Variants in BAG6 observed in about 807,000 individuals in gnomAD.
The protein encoded by BAG6 is large proline-rich protein BAG6.
In BAG6, 22 loss-of-function variants were observed where a neutral mutation model predicts 121.0. That is an observed-to-expected ratio of 0.18 (90% CI 0.13 to 0.26). The LOEUF (loss-of-function observed/expected upper bound fraction) is 0.26, where lower values mean the gene tolerates loss of function less well. Ranked by LOEUF, BAG6 falls within the 10% of genes least tolerant of loss-of-function variation. The pLI, the probability that BAG6 is intolerant of heterozygous loss-of-function variation, is 1.00. For missense variants in BAG6, 1,233 were observed against 1,537.7 expected (o/e 0.80, Z 3.31); for synonymous variants, 583 against 584.6 (o/e 1.00, Z 0.04).
intron 4 of BAG6, 76 bp from the exon 5 acceptor site, chr6:31,649,040 A>C: frequency 7.3e-6 from 11 of 1,500,944 alleles, no homozygotes; most frequent in Non-Finnish European, 8.9e-6. Flanking sequence ...CATTCCCTGG[A>C]GCCCTACCTC....
Position 31,644,225 on chromosome 6 carries a change from G to C in BAG6, c.1556-31C>G. The C allele has an allele frequency of 6.3e-7, 1 of 1,597,908 alleles. No individual in the cohort carries two copies. The highest frequency in any genetic ancestry group is 8.5e-7 in the Non-Finnish European group (1 of 1,172,610). On this transcript the variant is annotated intron_variant, in intron 12 of 25. Coordinates refer to ENST00000676615, the MANE Select transcript of BAG6 (RefSeq NM_001387994.1). This position sits in a 1 kb window ranked among gnomAD's most constrained non-coding sequence, Gnocchi z 4.9. The stretch of plus-strand genomic sequence containing the variant: ...GGTGGCAGAAGAGACAGACCGAAGA[G>C]GGCTGAGGGCCAGGCCCTTGCCAGC...
rs1787964479 is a variant in BAG6 at position 31,645,401 on chromosome 6, A to T, written c.1116+6T>A. 6.2e-7 allele frequency: 1 copy of T among 1,612,780 alleles called. No homozygotes were observed. The highest frequency in any genetic ancestry group is 1.7e-5 in the Admixed American group (1 of 59,982). On this transcript the variant is annotated splice_donor_region_variant and intron_variant, in intron 9 of 25. Transcript: ENST00000676615. ...TCTCCCTCAGGCCAGACTCCCCCTAACCCACCTGTATGGGAATGGCTGCCT... is the reference window on the plus strand; with the variant it reads ...TCTCCCTCAGGCCAGACTCCCCCTATCCCACCTGTATGGGAATGGCTGCCT...
In BAG6 at chr6:31,649,767, T is replaced by C. The variant is rs544508468; in HGVS notation, c.109-140A>G. ...TTTGTCTTGACCGTGAGATCATTAC[T>C]GTGCAAACCCTTAAACTAAAGTAAC... On this transcript the variant is annotated intron_variant, in intron 2 of 25. Coordinates refer to ENST00000676615, the MANE Select transcript of BAG6 (RefSeq NM_001387994.1). 160 of 726,258 alleles carry C rather than the reference T, an allele frequency of 2.2e-4. 1 individual carries two copies. Among genetic ancestry groups the C allele is most frequent in the Admixed American group, 3.1e-4 (13 of 42,094 alleles). 45.0% of individuals were successfully genotyped at this position (726,258 alleles called of 1,614,324 possible).
chr6:31,650,724 G>A (rs1246869275), intron 2 of BAG6, among the ~76,000 whole-genome samples: 2 of 151,484 alleles, frequency 1.3e-5, no homozygotes, highest in South Asian at 4.2e-4. Context: ...CTGACTCTTG[G>A]GAAGTACCAG....
At chr6:31,652,361 C>CACACA (rs753850519) in intron 1 of BAG6, 63 bp downstream of exon 1, 1,436 of 110,344 alleles carry the variant, frequency 0.013, 25 homozygotes, top group Middle Eastern at 0.028. Context: ...ACACACACAC[C>CACACA]CACCACCCCG....
intron 1 of BAG6, 67 bp downstream of exon 1, chr6:31,652,357 A>ACCCCCC (rs9281544): frequency 7.0e-6 from 1 of 143,070 alleles, no homozygotes; most frequent in African/African-American, 2.8e-5. Flanking sequence ...ACACACACAC[A>ACCCCCC]CACCCACCAC....
At chr6:31,652,322 C>CAA (rs1554157197) in intron 1 of BAG6, 102 bp downstream of exon 1, 1 of 87,176 alleles carries the variant, frequency 1.1e-5, no homozygotes, top group African/African-American at 8.0e-5. Context: ...CACAGCCAAA[C>CAA]ACACACACAC....
chr6:31,639,772 A>G, intron 24 of BAG6, 126 bp from the exon 25 acceptor site: 1 of 1,195,214 alleles, frequency 8.4e-7, no homozygotes, highest in Non-Finnish European at 1.1e-6. Flanking sequence ...AGGGGAAATT[A>G]AGAGTCCAGG....
In BAG6 at chr6:31,639,706, C is replaced by G. The variant is rs369234950; in HGVS notation, c.3247-60G>C. On this transcript the variant is annotated intron_variant, in intron 24 of 25. Coordinates refer to ENST00000676615, the MANE Select transcript of BAG6 (RefSeq NM_001387994.1). ...CAACGTCAGATCCAGTGCCACCATC[C>G]GGCTCACCCTTTCCATGAGTCAACC... 19 of 1,545,804 alleles carry G rather than the reference C, an allele frequency of 1.2e-5. No homozygotes were observed. The African/African-American group carries it at 2.6e-4, about 21-fold the overall frequency.
At position 31,649,227 on chromosome 6, in the gene BAG6, T is replaced by C; in HGVS notation, c.395A>G (p.Tyr132Cys). 1 of 1,612,988 alleles carries C rather than the reference T, an allele frequency of 6.2e-7. No individual in the cohort carries two copies. The highest frequency in any genetic ancestry group is 8.5e-7 in the Non-Finnish European group (1 of 1,180,010). ...AAGATTGAAGGTTCCAACCATGACA[T>C]AGCTGTTGGCATTCCGGTCATGAAC... The part of the protein sequence containing the change: ...ASVHDRNANS[Y>C]VMVGTFNLPS... Residue 132 changes from tyrosine (Y) to cysteine (C), a missense_variant, in exon 4 of 26, where the codon TAT (tyrosine) becomes TGT (cysteine). Tyr to Cys is a radical substitution (Grantham distance 194). Transcript: ENST00000676615.
intron 14 of BAG6, 123 bp from the exon 15 acceptor site, chr6:31,643,238 G>A (rs1164608981): frequency 8.7e-6 from 8 of 923,406 alleles, no homozygotes; most frequent in Non-Finnish European, 1.3e-5. Context: ...CACATAGCAA[G>A]ACCCCATCTC....
Position 31,648,800 on chromosome 6 carries a change from G to T in BAG6, c.478-49C>A, listed in dbSNP as rs755452391. The stretch of plus-strand genomic sequence containing the variant: ...GGGTAGGTTACAGATGAAGCCATGA[G>T]TTCTACCACCTACTAAATCAGGTCC... On this transcript the variant is annotated intron_variant, in intron 5 of 25. Coordinates refer to ENST00000676615, the MANE Select transcript of BAG6 (RefSeq NM_001387994.1). 1.9e-6 allele frequency: 3 copies of T among 1,608,908 alleles called. No individual in the cohort carries two copies. In the South Asian group the frequency reaches 3.3e-5, roughly 18 times the overall value.
chr6:31,649,638 G>C lies in BAG6; in HGVS notation c.109-11C>G, dbSNP rs1231997233. ...CTCTTTTACATTCATCTGAAAAGAA[G>C]AGGCATGCACAGGAATGGAAAGAAT... is the stretch of plus-strand genomic sequence containing the variant. On this transcript the variant is annotated splice_polypyrimidine_tract_variant and intron_variant, in intron 2 of 25. Transcript: ENST00000676615. The C allele has an allele frequency of 2.5e-6, 4 of 1,605,904 alleles. No individual in the cohort carries two copies. The African/African-American group carries it at 5.4e-5, about 21-fold the overall frequency.
At chr6:31,651,454 G>A (rs1290894186) in intron 2 of BAG6, among the ~76,000 whole-genome samples, 1 of 152,090 alleles carries the variant, frequency 6.6e-6, no homozygotes, top group Non-Finnish European at 1.5e-5. Context: ...TAGGAAAATC[G>A]CTTGAACCCA....
In BAG6 at chr6:31,640,327, TAGTAA is replaced by T; in HGVS notation, c.3139-26_3139-22del. On this transcript the variant is annotated intron_variant, in intron 23 of 25. Transcript: ENST00000676615. The surrounding 1 kb of genome is among the most constrained non-coding windows in gnomAD (Gnocchi z 4.2). The stretch of plus-strand genomic sequence containing the variant: ...CATTCCTGGGGAGGAAAAGAGAAAA[TAGTAA>T]TGTCCTTGACTTTCAGCTGCCATGA... The T allele has an allele frequency of 6.2e-7, 1 of 1,614,002 alleles. No individual in the cohort carries two copies. The highest frequency in any genetic ancestry group is 8.5e-7 in the Non-Finnish European group (1 of 1,180,004).
chr6:31,639,814 A>G, intron 24 of BAG6, 168 bp from the exon 25 acceptor site: 2 of 885,002 alleles, frequency 2.3e-6, no homozygotes, highest in Non-Finnish European at 3.3e-6. Context: ...TGCCTTCCTA[A>G]TTCTCTTTGG....
chr6:31,651,538 CAAAAAAAAG>C, intron 2 of BAG6, 109 bp downstream of exon 2: 2 of 927,252 alleles, frequency 2.2e-6, no homozygotes, highest in Non-Finnish European at 1.7e-6. Context: ...GACTCCATCT[CAAAAAAAAG>C]AAAAAAAAAG....
chr6:31,648,598 A>G, intron 6 of BAG6, 79 bp downstream of exon 6: 1 of 1,391,506 alleles, frequency 7.2e-7, no homozygotes. Flanking sequence ...GGATGTGGCC[A>G]GTGAAGCCCT....
At chr6:31,651,873 G>A (rs1797163291) in intron 1 of BAG6, 97 bp from the exon 2 acceptor site, 1 of 837,012 alleles carries the variant, frequency 1.2e-6, no homozygotes, top group Admixed American at 2.0e-5. Context: ...TACCTAAAAA[G>A]TTTCTCCTGC....
Sources: allele counts gnomAD v4.1 joint callset (sites outside exome capture counted in the v4.1 genomes callset), GRCh38; gene constraint gnomAD v4.1.1; non-coding constraint Gnocchi (gnomAD v3.1); transcripts MANE v1.5; gene names NCBI Gene and HGNC (gene_info 2026-07-23, HGNC 2026-07-21).